Variants in FAM117B observed in about 807,000 individuals in gnomAD.
The protein encoded by FAM117B is protein FAM117B.
A neutral mutation model predicts 52.8 loss-of-function variants in FAM117B; 22 were observed. The ratio of observed to expected loss-of-function variants is 0.42; its 90% CI spans 0.30 to 0.59. The LOEUF (loss-of-function observed/expected upper bound fraction) is 0.59, where lower values mean the gene tolerates loss of function less well. Among genes scored for constraint, FAM117B ranks in the 20% least tolerant of loss-of-function variants. The pLI, the probability that FAM117B is intolerant of heterozygous loss-of-function variation, is 0.22. For synonymous variants in FAM117B, 309 were observed against 324.1 expected, an observed-to-expected ratio of 0.95 and a Z score of 0.50; for missense variants, 678 against 802.6, an observed-to-expected ratio of 0.84 and a Z score of 1.88.
chr2:202,679,324 T>G (rs192793606), intron 1 of FAM117B, among the ~76,000 whole-genome samples: 2 of 152,304 alleles, frequency 1.3e-5, no homozygotes, highest in Non-Finnish European at 2.9e-5. Flanking sequence ...GATGCCTTGT[T>G]GATTTGAGAT....
intron 7 of FAM117B, among the ~76,000 whole-genome samples, chr2:202,760,824 A>C (rs1691875199): frequency 6.6e-6 from 1 of 152,098 alleles, no homozygotes; most frequent in African/African-American, 2.4e-5. Flanking sequence ...CTATTTTGGA[A>C]CTGGAAAGCA....
chr2:202,675,223 C>T (rs1690358952), intron 1 of FAM117B, among the ~76,000 whole-genome samples: 1 of 150,794 alleles, frequency 6.6e-6, no homozygotes, highest in African/African-American at 2.4e-5. Context: ...AAGACCCTGT[C>T]TCTTAAAAAA....
intron 5 of FAM117B, among the ~76,000 whole-genome samples, chr2:202,756,111 A>C (rs879506756): frequency 6.6e-6 from 1 of 152,206 alleles, no homozygotes; most frequent in East Asian, 1.9e-4. Flanking sequence ...CTATGTCATC[A>C]TAAAGTACAT....
intron 1 of FAM117B, among the ~76,000 whole-genome samples, chr2:202,658,653 T>C (rs1690084902): frequency 6.6e-6 from 1 of 152,206 alleles, no homozygotes. Flanking sequence ...ATCCTGGGTT[T>C]ATTGTTTTAC....
chr2:202,751,588 C>G (rs548718089), intron 4 of FAM117B, among the ~76,000 whole-genome samples: 1 of 151,848 alleles, frequency 6.6e-6, no homozygotes, highest in African/African-American at 2.4e-5. Flanking sequence ...GCCAACGTTG[C>G]GAAACCTCAT....
intron 2 of FAM117B, among the ~76,000 whole-genome samples, chr2:202,714,267 A>C (rs1024239412): frequency 2.6e-5 from 4 of 152,184 alleles, no homozygotes; most frequent in Non-Finnish European, 5.9e-5. Flanking sequence ...CTGAGGAAAG[A>C]ATGTGTATTC....
intron 1 of FAM117B, among the ~76,000 whole-genome samples, chr2:202,640,441 C>T (rs1220465452): frequency 2.0e-5 from 3 of 148,810 alleles, no homozygotes; most frequent in Non-Finnish European, 4.5e-5. Context: ...CCAAGGGCAG[C>T]AAAAAGTGAT....
intron 1 of FAM117B, among the ~76,000 whole-genome samples, chr2:202,655,867 T>C (rs770155840): frequency 6.6e-6 from 1 of 151,884 alleles, no homozygotes; most frequent in South Asian, 2.1e-4. Flanking sequence ...GAACAATCAA[T>C]TGGGAGAACT....
intron 2 of FAM117B, among the ~76,000 whole-genome samples, chr2:202,700,734 T>C (rs1690785137): frequency 6.6e-6 from 1 of 151,032 alleles, no homozygotes; most frequent in Admixed American, 6.6e-5. Flanking sequence ...TCACCTAGGC[T>C]GGAGTGCAGT....
chr2:202,665,204 CAG>C (rs1690184655), intron 1 of FAM117B, among the ~76,000 whole-genome samples: 2 of 149,544 alleles, frequency 1.3e-5, no homozygotes, highest in African/African-American at 4.9e-5. Flanking sequence ...TTTTTTGAGA[CAG>C]AGTTTCGTAT....
chr2:202,765,314 T>C, intron 7 of FAM117B, 132 bp from the exon 8 acceptor site: 1 of 889,748 alleles, frequency 1.1e-6, no homozygotes, highest in African/African-American at 1.7e-5. Flanking sequence ...AGAGCTTGAG[T>C]TTTATATTCC....
chr2:202,684,527 A>C lies in FAM117B; in HGVS notation c.602-11354A>C, dbSNP rs533782302. The stretch of plus-strand genomic sequence containing the variant: ...CAAATGTCCTTTTCGTGATCGTGCC[A>C]TATTTTTCAGATTTTTTGCTAATGA... On this transcript the variant is annotated intron_variant, in intron 1 of 7. Coordinates refer to ENST00000392238, the MANE Select transcript of FAM117B (RefSeq NM_173511.4). 1.7e-3 allele frequency among the ~76,000 whole-genome samples: 263 copies of C among 152,274 alleles called. 1 individual carries two copies. Among genetic ancestry groups the C allele is most frequent in the Non-Finnish European group, 1.5e-3 (101 of 68,018 alleles).
intron 7 of FAM117B, among the ~76,000 whole-genome samples, chr2:202,761,002 G>C (rs958429137): frequency 6.6e-6 from 1 of 152,100 alleles, no homozygotes; most frequent in Non-Finnish European, 1.5e-5. Context: ...TGACCTCCCC[G>C]GGCTCAGGCA....
At chr2:202,751,873 A>T (rs1691729429) in intron 4 of FAM117B, among the ~76,000 whole-genome samples, 1 of 152,018 alleles carries the variant, frequency 6.6e-6, no homozygotes, top group South Asian at 2.1e-4. Context: ...TTGAATTTTT[A>T]AAAATTATAT....
chr2:202,640,133 T>G (rs1012316660), intron 1 of FAM117B, among the ~76,000 whole-genome samples: 2 of 150,594 alleles, frequency 1.3e-5, no homozygotes, highest in Non-Finnish European at 3.0e-5. Flanking sequence ...TAGACAGGTG[T>G]GGTGGCAGGC....
intron 1 of FAM117B, among the ~76,000 whole-genome samples, chr2:202,651,872 G>A (rs1356106445): frequency 6.6e-6 from 1 of 151,786 alleles, no homozygotes; most frequent in Non-Finnish European, 1.5e-5. Context: ...TGACCACCAT[G>A]GAGAAACCCT....
intron 4 of FAM117B, among the ~76,000 whole-genome samples, chr2:202,746,187 A>G (rs1302180572): frequency 6.6e-6 from 1 of 152,186 alleles, no homozygotes; most frequent in Non-Finnish European, 1.5e-5. Context: ...AGGATAGACC[A>G]TATGTTAGGC....
intron 1 of FAM117B, among the ~76,000 whole-genome samples, chr2:202,654,968 CCAAAA>C (rs1385211279): frequency 2.6e-5 from 4 of 151,064 alleles, no homozygotes; most frequent in South Asian, 2.1e-4. Context: ...AAAATGTGCC[CCAAAA>C]CAAAACAGAA....
intron 2 of FAM117B, among the ~76,000 whole-genome samples, chr2:202,711,321 CTT>C (rs1334542225): frequency 3.3e-5 from 5 of 152,068 alleles, no homozygotes; most frequent in African/African-American, 1.2e-4. Context: ...TGATTGAGCA[CTT>C]TTACATATAC....
Sources: gnomAD v4.1 joint callset for allele counts (sites outside exome capture counted in the v4.1 genomes callset) on GRCh38, gnomAD v4.1.1 for gene constraint, MANE v1.5 for transcripts, NCBI Gene and HGNC (gene_info 2026-07-23, HGNC 2026-07-21) for gene names.